Variants in MYT1L observed in about 807,000 individuals in gnomAD.
The protein encoded by MYT1L is myelin transcription factor 1 like, also known as myelin transcription factor 1-like protein.
Under a neutral mutation model 126.7 loss-of-function variants are expected in MYT1L, and 12 were observed. That is an observed-to-expected ratio of 0.09 (90% CI 0.06 to 0.15). The LOEUF (loss-of-function observed/expected upper bound fraction) is 0.15. Among genes scored for constraint, MYT1L ranks in the 10% least tolerant of loss-of-function variants. The pLI, the probability that MYT1L is intolerant of heterozygous loss-of-function variation, is 1.00. For missense variants in MYT1L, 979 were observed against 1,585.2 expected, an observed-to-expected ratio of 0.62 and a Z score of 6.49; for synonymous variants, 541 against 604.2, an observed-to-expected ratio of 0.90 and a Z score of 1.53.
At chr2:2,063,714 C>T (rs1211857136) in intron 3 of MYT1L, among the ~76,000 whole-genome samples, 1 of 152,046 alleles carries the variant, frequency 6.6e-6, no homozygotes, top group Non-Finnish European at 1.5e-5. Flanking sequence ...AGTGATGACA[C>T]GTGCCTGTAA....
chr2:1,917,425 T>C lies in MYT1L; in HGVS notation c.1484-86A>G, dbSNP rs2053000552. The C allele has an allele frequency of 8.1e-6, 12 of 1,477,594 alleles. No individual in the cohort carries two copies. The South Asian group carries it at 1.6e-4, about 20-fold the overall frequency. The allele number at this position is 1,477,594 out of a possible 1,614,324, so 91.5% of individuals were successfully genotyped here. A position where few individuals can be genotyped will look rare whatever the true frequency, so the allele number is the denominator to read the frequency against. On this transcript the variant is annotated intron_variant, in intron 10 of 24. Transcript: ENST00000647738. The surrounding 1 kb of genome is among the most constrained non-coding windows in gnomAD (Gnocchi z 5.9). ...ATTTCACAATCTGAAGAAACCTTGCTAAAGAAAGAAATAAAGCAGGTGTCG... is the reference window on the plus strand; with the variant it reads ...ATTTCACAATCTGAAGAAACCTTGCCAAAGAAAGAAATAAAGCAGGTGTCG...
At chr2:2,078,516 C>G (rs1353543456) in intron 3 of MYT1L, among the ~76,000 whole-genome samples, 2 of 151,990 alleles carry the variant, frequency 1.3e-5, no homozygotes, top group East Asian at 3.9e-4. Flanking sequence ...CAAGCAATAT[C>G]CAAAAGAGAG....
chr2:2,318,645 A>C (rs958179161), intron 1 of MYT1L, among the ~76,000 whole-genome samples: 1 of 152,250 alleles, frequency 6.6e-6, no homozygotes, highest in Admixed American at 6.5e-5. Flanking sequence ...TGGAAGATTC[A>C]GAATACAAAT....
chr2:2,187,730 TTAGTTGGCCAATA>T (rs1403702121), intron 2 of MYT1L, among the ~76,000 whole-genome samples: 4 of 152,126 alleles, frequency 2.6e-5, no homozygotes, highest in Non-Finnish European at 4.4e-5. Context: ...CCTGGGCTGT[TTAGTTGGCCAATA>T]TATCTTACTG....
intron 1 of MYT1L, among the ~76,000 whole-genome samples, chr2:2,311,986 C>A (rs1474083068): frequency 6.6e-6 from 1 of 152,192 alleles, no homozygotes; most frequent in Non-Finnish European, 1.5e-5. Context: ...CATTGTAGGT[C>A]ACATTGTGTG....
chr2:1,830,097 C>T (rs950778322), intron 21 of MYT1L, among the ~76,000 whole-genome samples: 18 of 152,126 alleles, frequency 1.2e-4, no homozygotes, highest in African/African-American at 2.9e-4. Flanking sequence ...TACTTAGTAT[C>T]GGGTAGAAAG....
intron 4 of MYT1L, among the ~76,000 whole-genome samples, chr2:2,050,164 C>CA (rs1446651725): frequency 6.6e-6 from 1 of 151,512 alleles, no homozygotes; most frequent in Non-Finnish European, 1.5e-5. Context: ...TTCTGTTTTA[C>CA]AAAAAAAAGA....
At chr2:2,207,902 T>C (rs915701236) in intron 2 of MYT1L, among the ~76,000 whole-genome samples, 1 of 152,184 alleles carries the variant, frequency 6.6e-6, no homozygotes, top group Non-Finnish European at 1.5e-5. Context: ...GTGCGGTGTA[T>C]TCCAGCCCTG....
chr2:1,889,246 T>A lies in MYT1L; in HGVS notation c.2515A>T (p.Ile839Phe), dbSNP rs1179607718. ...RRIDEDESKD[I>F]TPEDLDPFQE... ...GCTCAATGAAAAGGACATACAGTAA[T>A]GTCTTTGGACTCGTCCTCGTCTATC... Residue 839 changes from isoleucine (I) to phenylalanine (F), a missense_variant, in exon 16 of 25, where the codon ATT becomes TTT. By Grantham distance (21) the Ile-to-Phe change is conservative. Around this residue, in one of 12 missense-constraint regions of MYT1L, gnomAD observed 141 missense variants for 170.6 expected, o/e 0.83. Transcript: ENST00000647738. This position sits in a 1 kb window ranked among gnomAD's most constrained non-coding sequence, Gnocchi z 4.1. 1.2e-6 allele frequency: 2 copies of A among 1,613,494 alleles called. No individual in the cohort carries two copies. The highest frequency in any genetic ancestry group is 1.7e-6 in the Non-Finnish European group (2 of 1,179,532).
In MYT1L at chr2:1,852,259, C is replaced by T. The variant is rs2043372471; in HGVS notation, c.2712-556G>A. ...TCTGGACCATGGGAATGCAGGCCGA[C>T]TGTCTTTCCGATGACCACTGTGCAC... On this transcript the variant is annotated intron_variant, in intron 18 of 24. Coordinates refer to ENST00000647738, the MANE Select transcript of MYT1L (RefSeq NM_001303052.2). This position sits in a 1 kb window ranked among gnomAD's most constrained non-coding sequence, Gnocchi z 4.0. Among the ~76,000 whole-genome samples, 1 of 152,176 alleles carries T rather than the reference C, an allele frequency of 6.6e-6. No individual in the cohort carries two copies. The highest frequency in any genetic ancestry group is 2.1e-4 in the South Asian group (1 of 4,832).
chr2:1,823,242 G>A (rs1192271932), intron 21 of MYT1L, among the ~76,000 whole-genome samples: 2 of 152,228 alleles, frequency 1.3e-5, no homozygotes, highest in East Asian at 3.9e-4. Flanking sequence ...GGTGGTGCTG[G>A]CTGTTATAGT....
intron 3 of MYT1L, among the ~76,000 whole-genome samples, chr2:2,168,539 T>C (rs929419807): frequency 6.6e-6 from 1 of 152,172 alleles, no homozygotes; most frequent in African/African-American, 2.4e-5. Flanking sequence ...CACTCATCCA[T>C]TGCTGAGACT....
chr2:1,855,161 C>T (rs1225197986), intron 18 of MYT1L, among the ~76,000 whole-genome samples: 1 of 152,172 alleles, frequency 6.6e-6, no homozygotes, highest in African/African-American at 2.4e-5. Flanking sequence ...GAAATCTCAA[C>T]ATTAAAAAAA....
chr2:2,260,765 A>G (rs192030857), intron 2 of MYT1L, among the ~76,000 whole-genome samples: 24 of 152,150 alleles, frequency 1.6e-4, no homozygotes, highest in Middle Eastern at 6.8e-3. Flanking sequence ...CAATTGGAAT[A>G]TATTTCCCAG....
intron 2 of MYT1L, among the ~76,000 whole-genome samples, chr2:2,262,591 G>A (rs1572938730): frequency 6.7e-6 from 1 of 149,780 alleles, no homozygotes; most frequent in South Asian, 2.1e-4. Flanking sequence ...TACTCAGGAG[G>A]CTGAGGCAGC....
intron 3 of MYT1L, among the ~76,000 whole-genome samples, chr2:2,056,905 T>G (rs1334798181): frequency 1.3e-5 from 2 of 152,194 alleles, no homozygotes; most frequent in Non-Finnish European, 2.9e-5. Context: ...TTTACGGCAT[T>G]TGTCATTATC....
chr2:1,792,399 G>A lies in MYT1L; in HGVS notation c.3342C>T (p.Asn1114=), dbSNP rs1402105307. The A allele has an allele frequency of 1.2e-6, 2 of 1,613,318 alleles. No homozygotes were observed. The highest frequency in any genetic ancestry group is 1.7e-6 in the Non-Finnish European group (2 of 1,179,704). The part of the protein sequence containing the change: ...EEENKVIEQQ[N]ESLLHELANL... ...TCGCCAGCTCGTGGAGGAGAGACTC[G>A]TTCTGCTGCTCAATCACTTTGTTCT... The change falls in exon 24 of 25, where the codon AAC becomes AAT. Residue 1114 remains asparagine (N), a synonymous_variant. Coordinates refer to ENST00000647738, the MANE Select transcript of MYT1L (RefSeq NM_001303052.2).
intron 4 of MYT1L, among the ~76,000 whole-genome samples, chr2:2,053,433 A>G (rs998344079): frequency 2.6e-5 from 4 of 152,232 alleles, no homozygotes; most frequent in African/African-American, 9.6e-5. Context: ...TTTTACAATT[A>G]TTTTGAAAAC....
At chr2:1,797,062 T>C (rs1428623388) in intron 23 of MYT1L, among the ~76,000 whole-genome samples, 1 of 150,288 alleles carries the variant, frequency 6.7e-6, no homozygotes, top group Non-Finnish European at 1.5e-5. Flanking sequence ...GTCTGGGGAA[T>C]CGTGGAGTCC....
Sources: gnomAD v4.1 joint callset for allele counts (sites outside exome capture counted in the v4.1 genomes callset) on GRCh38, gnomAD v4.1.1 for gene constraint, gnomAD v4.1.1 regional missense constraint, Gnocchi (gnomAD v3.1) non-coding constraint, MANE v1.5 for transcripts, NCBI Gene and HGNC (gene_info 2026-07-23, HGNC 2026-07-21) for gene names.